Variants in NLRP14 observed in about 807,000 individuals in gnomAD.
The protein encoded by NLRP14 is NLR family pyrin domain containing 14, also known as NACHT, LRR and PYD domains-containing protein 14.
A neutral mutation model predicts 94.7 loss-of-function variants in NLRP14; 105 were observed. The observed-to-expected ratio is 1.11, with a 90% confidence interval of 0.95 to 1.30. The LOEUF (loss-of-function observed/expected upper bound fraction) is 1.30. NLRP14 is among the 50% of genes most tolerant of loss of function. The probability of loss-of-function intolerance (pLI) is 0.00; values close to 1 mark genes in which losing one functional copy is unlikely to be tolerated. For synonymous variants in NLRP14, 508 were observed against 459.9 expected (o/e 1.10, Z -1.34); for missense variants, 1,362 against 1,254.1 (o/e 1.09, Z -1.30).
chr11:7,027,265 A>C (rs1365173977), intron 1 of NLRP14, among the ~76,000 whole-genome samples: 1 of 151,786 alleles, frequency 6.6e-6, no homozygotes, highest in East Asian at 1.9e-4. Context: ...AGGCTCTTAT[A>C]ACAAAATACC....
At chr11:7,080,140 C>CA in the NLRP14 span, among the ~76,000 whole-genome samples, 1 of 152,176 alleles carries the variant, frequency 6.6e-6, no homozygotes, top group Non-Finnish European at 1.5e-5. Context: ...ACGTATTTAA[C>CA]AACTTGGCAA....
chr11:7,026,317 CAAGT>C (rs1392052362), intron 1 of NLRP14, among the ~76,000 whole-genome samples: 1 of 152,110 alleles, frequency 6.6e-6, no homozygotes, highest in Non-Finnish European at 1.5e-5. Flanking sequence ...AAGAAAAAAA[CAAGT>C]AACCCCATCA....
At chr11:7,080,284 A>G in the NLRP14 span, among the ~76,000 whole-genome samples, 1 of 152,214 alleles carries the variant, frequency 6.6e-6, no homozygotes, top group Non-Finnish European at 1.5e-5. Context: ...TGTAGGACAC[A>G]TGGTTGGTGT....
At chr11:7,071,051 A>T in intron 11 of NLRP14, 122 bp from the exon 12 acceptor site, 10 of 1,085,418 alleles carry the variant, frequency 9.2e-6, no homozygotes, top group Non-Finnish European at 1.4e-6. Flanking sequence ...CCCATGTTAT[A>T]ATATTATCTC....
At position 7,071,340 on chromosome 11, in the gene NLRP14, A is replaced by C. The variant is rs1239601677; in HGVS notation, c.*32A>C. The C allele has an allele frequency of 6.4e-7, 1 of 1,564,876 alleles. No homozygotes were observed. Among genetic ancestry groups the C allele is most frequent in the Non-Finnish European group, 8.8e-7 (1 of 1,141,956 alleles). ...GAAACTGACATTCCTTTAAAAATAT[A>C]AATATAAATACATACATACATAGAT... On this transcript the variant is annotated 3_prime_UTR_variant, in exon 12 of 12. Transcript: ENST00000299481.
In NLRP14 at chr11:7,022,401, A is replaced by G. The variant is rs979798723; in HGVS notation, c.-22+1631A>G. Among the ~76,000 whole-genome samples the G allele has an allele frequency of 3.3e-5, 5 of 152,324 alleles. No homozygotes were observed. The East Asian group carries it at 9.6e-4, about 29-fold the overall frequency. ...AGATGTTGCAGATTCTTCATAGCAAATAATTGAAGAATCTAAGAATATGAC... is the reference window on the plus strand; with the variant it reads ...AGATGTTGCAGATTCTTCATAGCAAGTAATTGAAGAATCTAAGAATATGAC... On this transcript the variant is annotated intron_variant, in intron 1 of 11. Transcript: ENST00000299481.
the NLRP14 span, chr11:7,090,512 A>G: frequency 3.1e-6 from 2 of 645,936 alleles, no homozygotes; most frequent in Non-Finnish European, 2.7e-6. Context: ...GTTTCTTTCA[A>G]CAAGCTCCTG....
At position 7,062,320 on chromosome 11, in the gene NLRP14, G is replaced by A. The variant is rs1378594766; in HGVS notation, c.2805-13G>A. 1 of 1,609,260 alleles carries A rather than the reference G, an allele frequency of 6.2e-7. No homozygotes were observed. The highest frequency in any genetic ancestry group is 8.5e-7 in the Non-Finnish European group (1 of 1,175,968). On this transcript the variant is annotated splice_polypyrimidine_tract_variant and intron_variant, in intron 9 of 11. Transcript: ENST00000299481. ...AATGGAAGGATTCACTTTTCCTATT[G>A]TAATTCTTACAGATTGATGGGCTGT...
intron 10 of NLRP14, among the ~76,000 whole-genome samples, chr11:7,064,767 C>T (rs916153301): frequency 6.6e-6 from 1 of 151,994 alleles, no homozygotes; most frequent in African/African-American, 2.4e-5. Flanking sequence ...CTCTAATCTA[C>T]CTTTTAAAAA....
Position 7,049,665 on chromosome 11 carries a change from C to T in NLRP14, c.2124-6C>T, listed in dbSNP as rs1163822929. On this transcript the variant is annotated splice_polypyrimidine_tract_variant and splice_region_variant and intron_variant, in intron 5 of 11. Coordinates refer to ENST00000299481, the MANE Select transcript of NLRP14 (RefSeq NM_176822.4). ...GTAATACCTCCTGCATATTTTTCTT[C>T]TGAAGGTTGAAATTTATCACTTTCC... 4.4e-6 allele frequency: 7 copies of T among 1,605,846 alleles called. No individual in the cohort carries two copies. The highest frequency in any genetic ancestry group is 3.3e-5 in the South Asian group (3 of 90,914).
chr11:7,062,544 G>A, intron 10 of NLRP14, 41 bp downstream of exon 10: 1 of 1,549,452 alleles, frequency 6.5e-7, no homozygotes, highest in Non-Finnish European at 8.9e-7. Flanking sequence ...ATGCCTATTT[G>A]GTAGCTAGTA....
intron 1 of NLRP14, among the ~76,000 whole-genome samples, chr11:7,031,393 C>A (rs1159458558): frequency 1.3e-5 from 2 of 152,332 alleles, no homozygotes; most frequent in African/African-American, 2.4e-5. Context: ...GGGTGGGACA[C>A]TTCTGGGCAT....
intron 10 of NLRP14, among the ~76,000 whole-genome samples, chr11:7,063,407 C>T (rs1185344959): frequency 2.0e-5 from 3 of 152,022 alleles, no homozygotes; most frequent in Non-Finnish European, 2.9e-5. Context: ...TGGATGCCTG[C>T]ACATGCAACA....
intron 1 of NLRP14, among the ~76,000 whole-genome samples, chr11:7,023,524 A>AATAT (rs1554953803): frequency 6.9e-6 from 1 of 144,506 alleles, no homozygotes; most frequent in African/African-American, 2.5e-5. Flanking sequence ...TAATATATAA[A>AATAT]ATATATTTAT....
chr11:7,074,838 T>A (rs536299495), downstream of NLRP14, among the ~76,000 whole-genome samples: 1 of 152,360 alleles, frequency 6.6e-6, no homozygotes, highest in Admixed American at 6.5e-5. Flanking sequence ...AAAGGGGACG[T>A]GTCAGTGAAA....
Position 7,039,799 on chromosome 11 carries a change from C to A in NLRP14, c.361+14C>A. On this transcript the variant is annotated intron_variant, in intron 3 of 11. Coordinates refer to ENST00000299481, the MANE Select transcript of NLRP14 (RefSeq NM_176822.4). ...AGGCAGTGCTGGGTGAGTAGTTAGG[C>A]CTTTCATCAGATTTGGGAGGCATTC... The A allele has an allele frequency of 6.2e-7, 1 of 1,601,346 alleles. No homozygotes were observed. Among genetic ancestry groups the A allele is most frequent in the Non-Finnish European group, 8.6e-7 (1 of 1,168,376 alleles).
At chr11:7,086,329 T>G in the NLRP14 span, among the ~76,000 whole-genome samples, 1 of 152,320 alleles carries the variant, frequency 6.6e-6, no homozygotes, top group Non-Finnish European at 1.5e-5. Context: ...TTGACTCAGA[T>G]GTAAATTCTC....
intron 4 of NLRP14, among the ~76,000 whole-genome samples, chr11:7,044,811 C>T (rs1852325957): frequency 1.3e-5 from 2 of 152,050 alleles, no homozygotes; most frequent in South Asian, 4.1e-4. Flanking sequence ...TGGCAACCAT[C>T]TCTATTTTTA....
rs1852591973 is a variant in NLRP14 at position 7,060,022 on chromosome 11, G to A, written c.2762G>A (p.Cys921Tyr). 6.2e-7 allele frequency: 1 copy of A among 1,612,652 alleles called. No homozygotes were observed. Among genetic ancestry groups the A allele is most frequent in the African/African-American group, 1.3e-5 (1 of 74,824 alleles). ...CAAGACAATGGAGTGAAGCTTCTGT[G>A]TGATGTCTTTCGGCATCCAAGCTGT... ...WLQDNGVKLL[C>Y]DVFRHPSCNL... The change falls in exon 9 of 12, where the codon TGT becomes TAT. Residue 921 changes from cysteine to tyrosine, a missense_variant. Cys to Tyr is a radical substitution (Grantham distance 194). Transcript: ENST00000299481.
Sources: allele counts gnomAD v4.1 joint callset (sites outside exome capture counted in the v4.1 genomes callset), GRCh38; gene constraint gnomAD v4.1.1; transcripts MANE v1.5; gene names NCBI Gene and HGNC (gene_info 2026-07-23, HGNC 2026-07-21).